The following PCBP3 variants were observed in gnomAD, a reference collection of about 807,000 sequenced individuals.
PCBP3 encodes the protein poly(rC)-binding protein 3.
In PCBP3, 25 loss-of-function variants were observed where a neutral mutation model predicts 52.7. The observed-to-expected ratio is 0.47, with a 90% confidence interval of 0.35 to 0.66. PCBP3 has a LOEUF of 0.66. Among genes scored for constraint, PCBP3 ranks in the 30% least tolerant of loss-of-function variants. The pLI is 0.01. For missense variants in PCBP3, 391 were observed against 490.3 expected, an observed-to-expected ratio of 0.80 and a Z score of 1.91; for synonymous variants, 162 against 183.0, an observed-to-expected ratio of 0.89 and a Z score of 0.93.
chr21:45,918,317 C>A, intron 13 of PCBP3: 1 of 105,396 alleles, frequency 9.5e-6, no homozygotes, highest in South Asian at 2.7e-4. Flanking sequence ...AAGAAGTTAC[C>A]CTCAGATAAA....
intron 17 of PCBP3, among the ~76,000 whole-genome samples, chr21:45,940,751 C>A (rs188706248): frequency 4.1e-5 from 4 of 98,294 alleles, no homozygotes; most frequent in Non-Finnish European, 8.7e-5. Context: ...TACCACCAGT[C>A]CCCCCGCCAG....
At chr21:45,730,348 G>A (rs1555914085) in intron 2 of PCBP3, among the ~76,000 whole-genome samples, 1 of 151,394 alleles carries the variant, frequency 6.6e-6, no homozygotes, top group African/African-American at 2.4e-5. Context: ...ATACTTTTTT[G>A]TTCCTGTTTT....
chr21:45,741,500 A>G lies in PCBP3; in HGVS notation c.-162+6071A>G, dbSNP rs1194815681. On this transcript the variant is annotated intron_variant, in intron 3 of 17. Transcript: ENST00000681687. The surrounding 1 kb of genome is among the most constrained non-coding windows in gnomAD (Gnocchi z 4.5). Reference sequence around the variant, plus strand: ...TAAAGTTGTAAGATCAAGAATAGCAATACAAACTCAGTAATTAGAAATATG... The same window carrying G: ...TAAAGTTGTAAGATCAAGAATAGCAGTACAAACTCAGTAATTAGAAATATG... Among the ~76,000 whole-genome samples the G allele has an allele frequency of 1.3e-5, 2 of 152,136 alleles. No individual in the cohort carries two copies. The highest frequency in any genetic ancestry group is 2.9e-5 in the Non-Finnish European group (2 of 68,030).
chr21:45,749,197 T>C lies in PCBP3; in HGVS notation c.-161-6220T>C, dbSNP rs79770066. On this transcript the variant is annotated intron_variant, in intron 3 of 17. Coordinates refer to ENST00000681687, the MANE Select transcript of PCBP3 (RefSeq NM_001384156.1). ...CATTGGAGCAGAATCCAGCCCATAGTTGCCCGTTTTCAGAACCTTCTCTCC... is the reference window on the plus strand; with the variant it reads ...CATTGGAGCAGAATCCAGCCCATAGCTGCCCGTTTTCAGAACCTTCTCTCC... Among the ~76,000 whole-genome samples, 295 of 152,262 alleles carry C rather than the reference T, an allele frequency of 1.9e-3. 1 individual carries two copies. The highest frequency in any genetic ancestry group is 6.5e-3 in the African/African-American group (270 of 41,574).
intron 5 of PCBP3, among the ~76,000 whole-genome samples, chr21:45,864,540 T>G (rs533648407): frequency 1.3e-5 from 2 of 152,364 alleles, no homozygotes; most frequent in South Asian, 4.1e-4. Context: ...AGTGTTCCCT[T>G]AGCTCAGGAT....
rs990019888 is a variant in PCBP3 at position 45,941,537 on chromosome 21, C to G, written c.1080-133C>G. ...GTGTGCTCTGCTGTGGTCTCCAGCT[C>G]AGGACCTCCTGAGCTGACCGGGATG... On this transcript the variant is annotated intron_variant, in intron 17 of 17. Coordinates refer to ENST00000681687, the MANE Select transcript of PCBP3 (RefSeq NM_001384156.1). 2.4e-5 allele frequency: 17 copies of G among 714,350 alleles called. No individual in the cohort carries two copies. The South Asian group carries it at 3.1e-4, about 13-fold the overall frequency. 44.3% of individuals were successfully genotyped at this position (714,350 alleles called of 1,614,324 possible).
intron 2 of PCBP3, among the ~76,000 whole-genome samples, chr21:45,684,058 A>C (rs1382090748): frequency 6.8e-6 from 1 of 147,014 alleles, no homozygotes; most frequent in African/African-American, 2.6e-5. Flanking sequence ...ATCTCTACAA[A>C]AAAAAAAAAA....
In PCBP3 at chr21:45,930,812, G is replaced by C. The variant is rs747312227; in HGVS notation, c.823G>C (p.Glu275Gln). ...PGEKLPLHSS[E>Q]EAQNLMGQSS... ...AGAAAAGCTGCCTTTACACTCCTCC[G>C]AAGAAGCTCAAAATCTGATGGGCCA... The change falls in exon 15 of 18, where the codon GAA (glutamate) becomes CAA (glutamine). Residue 275 changes from glutamate (E) to glutamine (Q), a missense_variant. Physicochemically the swap from Glu to Gln is conservative, Grantham distance 29. Transcript: ENST00000681687. The C allele has an allele frequency of 6.4e-7, 1 of 1,556,362 alleles. No individual in the cohort carries two copies.
At chr21:45,796,869 A>T (rs2091945226) in intron 4 of PCBP3, among the ~76,000 whole-genome samples, 1 of 152,242 alleles carries the variant, frequency 6.6e-6, no homozygotes, top group Non-Finnish European at 1.5e-5. Flanking sequence ...CTTAGAATGG[A>T]AGCATGATTT....
At chr21:45,665,083 T>G (rs911417562) in intron 1 of PCBP3, among the ~76,000 whole-genome samples, 9 of 152,014 alleles carry the variant, frequency 5.9e-5, no homozygotes. Context: ...TTATTTGGTT[T>G]TCAGCTTGAT....
chr21:45,740,762 ATGTG>A (rs913171164), intron 3 of PCBP3, among the ~76,000 whole-genome samples: 1 of 151,688 alleles, frequency 6.6e-6, no homozygotes, highest in African/African-American at 2.4e-5. Flanking sequence ...AGGTGTGTGC[ATGTG>A]TGTGTGGTAT....
chr21:45,784,569 T>C (rs2090949848), intron 4 of PCBP3, among the ~76,000 whole-genome samples: 1 of 151,776 alleles, frequency 6.6e-6, no homozygotes, highest in Admixed American at 6.6e-5. Flanking sequence ...TGCCTGATTC[T>C]CCTGCCTCAG....
At chr21:45,753,388 G>A (rs1189127983) in intron 3 of PCBP3, among the ~76,000 whole-genome samples, 1 of 151,616 alleles carries the variant, frequency 6.6e-6, no homozygotes. Context: ...TTTGTCTGAT[G>A]TATTTATCTA....
intron 4 of PCBP3, among the ~76,000 whole-genome samples, chr21:45,824,163 G>T (rs78452540): frequency 1.3e-5 from 2 of 152,168 alleles, no homozygotes; most frequent in African/African-American, 2.4e-5. Context: ...GGCAGGGGAT[G>T]TGCTGAGCCC....
At chr21:45,696,301 A>G (rs1158646767) in intron 2 of PCBP3, among the ~76,000 whole-genome samples, 2 of 152,092 alleles carry the variant, frequency 1.3e-5, no homozygotes, top group Non-Finnish European at 2.9e-5. Context: ...ACCAGACTCA[A>G]TAAGCCCTAC....
chr21:45,858,431 AGAT>A (rs1186057025), intron 5 of PCBP3: 1 of 152,226 alleles, frequency 6.6e-6, no homozygotes, highest in Non-Finnish European at 1.5e-5. Context: ...GTACCTGTGA[AGAT>A]AAGCTGTTTA....
intron 3 of PCBP3, among the ~76,000 whole-genome samples, chr21:45,754,406 C>T (rs754685945): frequency 3.3e-5 from 5 of 152,102 alleles, no homozygotes; most frequent in Non-Finnish European, 7.4e-5. Flanking sequence ...TTAATCTCAG[C>T]GTCTCGTTTC....
Position 45,704,129 on chromosome 21 carries a change from C to G in PCBP3, c.-199-31263C>G, listed in dbSNP as rs1343613648. On this transcript the variant is annotated intron_variant, in intron 2 of 17. Transcript: ENST00000681687. This position sits in a 1 kb window ranked among gnomAD's most constrained non-coding sequence, Gnocchi z 4.1. ...CACGTTTATCTTGAGTTGGGAAGAACAAACTGGTCAGCTGGAGGAAAGCCA... is the reference window on the plus strand; with the variant it reads ...CACGTTTATCTTGAGTTGGGAAGAAGAAACTGGTCAGCTGGAGGAAAGCCA... 1.3e-5 allele frequency among the ~76,000 whole-genome samples: 2 copies of G among 152,160 alleles called. No homozygotes were observed. Among genetic ancestry groups the G allele is most frequent in the Admixed American group, 6.5e-5 (1 of 15,286 alleles).
At chr21:45,750,774 A>G (rs1264210548) in intron 3 of PCBP3, 1 of 152,048 alleles carries the variant, frequency 6.6e-6, no homozygotes, top group African/African-American at 2.4e-5. Flanking sequence ...AGGTAGGCTT[A>G]TTGCTGTCGA....
Sources: gnomAD v4.1 joint callset for allele counts (sites outside exome capture counted in the v4.1 genomes callset) on GRCh38, gnomAD v4.1.1 for gene constraint, Gnocchi (gnomAD v3.1) non-coding constraint, MANE v1.5 for transcripts, NCBI Gene and HGNC (gene_info 2026-07-23, HGNC 2026-07-21) for gene names.